The following MARK3 variants were observed in gnomAD, a reference collection of about 807,000 sequenced individuals.
The protein encoded by MARK3 is MAP/microtubule affinity-regulating kinase 3.
MARK3 carries 46 observed loss-of-function variants against 90.1 expected under a neutral mutation model. The observed-to-expected ratio is 0.51, with a 90% confidence interval of 0.40 to 0.65. MARK3 has a LOEUF of 0.65. MARK3 is among the 30% of genes least tolerant of loss of function. The pLI is 0.00. For missense variants in MARK3, 818 were observed against 947.2 expected (o/e 0.86, Z 1.79); for synonymous variants, 321 against 332.6 (o/e 0.97, Z 0.38).
intron 17 of MARK3, 24 bp downstream of exon 17, chr14:103,500,224 A>C (rs2075586225): frequency 6.3e-7 from 1 of 1,578,124 alleles, no homozygotes. Context: ...TTTTTACTTA[A>C]AATTTTTTTC....
chr14:103,430,776 A>G (rs2092559298), intron 3 of MARK3, among the ~76,000 whole-genome samples: 2 of 152,194 alleles, frequency 1.3e-5, no homozygotes, highest in Non-Finnish European at 2.9e-5. Flanking sequence ...GCAAATTGAT[A>G]TTATTTTCAC....
At chr14:103,476,828 T>C (rs1240435631) in intron 13 of MARK3, among the ~76,000 whole-genome samples, 3 of 152,202 alleles carry the variant, frequency 2.0e-5, no homozygotes, top group Non-Finnish European at 4.4e-5. Context: ...TTATGCTTAG[T>C]CGAAGTAAAC....
At chr14:103,434,085 A>T (rs2092657263) in intron 3 of MARK3, among the ~76,000 whole-genome samples, 1 of 152,130 alleles carries the variant, frequency 6.6e-6, no homozygotes, top group Admixed American at 6.5e-5. Context: ...TTGACATCTG[A>T]TAGGTGGCTA....
At chr14:103,482,018 G>C (rs956273842) in intron 14 of MARK3, among the ~76,000 whole-genome samples, 1 of 150,662 alleles carries the variant, frequency 6.6e-6, no homozygotes, top group Non-Finnish European at 1.5e-5. Flanking sequence ...CACCCACCTC[G>C]GCCTCCCAAA....
intron 6 of MARK3, among the ~76,000 whole-genome samples, chr14:103,460,759 A>G (rs2093385833): frequency 6.6e-6 from 1 of 152,232 alleles, no homozygotes; most frequent in African/African-American, 2.4e-5. Context: ...AAAAGGAAAA[A>G]GATTAGATAA....
intron 2 of MARK3, among the ~76,000 whole-genome samples, chr14:103,425,765 A>T (rs1488082834): frequency 1.3e-5 from 2 of 152,104 alleles, no homozygotes; most frequent in African/African-American, 2.4e-5. Flanking sequence ...TCAGGCGCAC[A>T]CACTCGTTTT....
intron 3 of MARK3, among the ~76,000 whole-genome samples, chr14:103,436,395 T>G (rs2092717244): frequency 6.8e-6 from 1 of 146,604 alleles, no homozygotes; most frequent in Non-Finnish European, 1.5e-5. Flanking sequence ...TCTTTTCATC[T>G]TTTTCTTTTC....
At chr14:103,418,216 AG>A (rs1469700031) in intron 2 of MARK3, among the ~76,000 whole-genome samples, 1 of 130,058 alleles carries the variant, frequency 7.7e-6, no homozygotes, top group East Asian at 2.1e-4. Context: ...AGAATAGTAA[AG>A]GCTTTTTTTT....
intron 2 of MARK3, chr14:103,417,596 A>C (rs1368631294): frequency 6.6e-6 from 1 of 152,048 alleles, no homozygotes; most frequent in African/African-American, 2.4e-5. Context: ...TTTAATATAG[A>C]GGTTTTTGTC....
chr14:103,498,516 G>A lies in MARK3; in HGVS notation c.1859G>A (p.Arg620Lys). ...ATTTCTTTTAGAAACATGTCATTCA[G>A]GTTTATCAAAAGGTAGGATTTATAT... ...SKLTRRNMSF[R>K]FIKRLPTEYE... Residue 620 changes from arginine (R) to lysine (K), a missense_variant, in exon 16 of 18, where the codon AGG becomes AAG. Arg to Lys is a conservative substitution (Grantham distance 26). Coordinates refer to ENST00000429436, the MANE Select transcript of MARK3 (RefSeq NM_001128918.3). The A allele has an allele frequency of 2.2e-6, 3 of 1,351,924 alleles. No individual in the cohort carries two copies. The highest frequency in any genetic ancestry group is 1.7e-5 in the South Asian group (1 of 58,268). The allele number at this position is 1,351,924 out of a possible 1,614,324, so 83.7% of individuals were successfully genotyped here. A position where few individuals can be genotyped will look rare whatever the true frequency, so the allele number is the denominator to read the frequency against.
intron 12 of MARK3, among the ~76,000 whole-genome samples, chr14:103,472,633 G>C (rs187957679): frequency 7.7e-6 from 1 of 129,358 alleles, no homozygotes; most frequent in African/African-American, 3.0e-5. Context: ...GGCCAACAGA[G>C]CGAGGCTCCA....
chr14:103,412,994 C>A (rs2091746306), intron 2 of MARK3, among the ~76,000 whole-genome samples: 1 of 151,870 alleles, frequency 6.6e-6, no homozygotes, highest in African/African-American at 2.4e-5. Context: ...CCCACCTCAG[C>A]CTCCCGAGTA....
chr14:103,462,847 T>C (rs1566888064), intron 7 of MARK3, among the ~76,000 whole-genome samples: 1 of 152,170 alleles, frequency 6.6e-6, no homozygotes, highest in African/African-American at 2.4e-5. Context: ...TTCAAGGTCC[T>C]CAGCCTCTGC....
chr14:103,409,434 GT>G (rs2091497036), intron 2 of MARK3, among the ~76,000 whole-genome samples: 1 of 14,076 alleles, frequency 7.1e-5, no homozygotes, highest in African/African-American at 3.9e-4. Flanking sequence ...AGAACTTAAA[GT>G]AAAAAAAAAA....
chr14:103,417,188 G>A (rs1001244202), intron 2 of MARK3: 1 of 151,568 alleles, frequency 6.6e-6, no homozygotes, highest in Non-Finnish European at 1.5e-5. Flanking sequence ...GGACAAAGGA[G>A]CATTGTTATA....
intron 15 of MARK3, among the ~76,000 whole-genome samples, chr14:103,494,531 T>C (rs1252482055): frequency 1.1e-5 from 1 of 89,786 alleles, no homozygotes; most frequent in Non-Finnish European, 2.0e-5. Context: ...GCAACAACAG[T>C]GAAACTCTGT....
chr14:103,468,789 C>CTTT (rs372468049), intron 12 of MARK3, among the ~76,000 whole-genome samples: 1 of 138,668 alleles, frequency 7.2e-6, no homozygotes, highest in African/African-American at 2.7e-5. Context: ...TGTAGTTTTC[C>CTTT]TTTTTTTTTT....
At chr14:103,423,200 C>CTTGTTTTTTTTTTTTTTTTTTT (rs2092284501) in intron 2 of MARK3, among the ~76,000 whole-genome samples, 1 of 94,720 alleles carries the variant, frequency 1.1e-5, no homozygotes, top group Non-Finnish European at 1.9e-5. Flanking sequence ...GACTTGCAGT[C>CTTGTTTTTTTTTTTTTTTTTTT]TTTTTTTTTT....
rs59913493 is a variant in MARK3 at position 103,403,326 on chromosome 14, TTGTGTGTGTGTGTGTGTGTGTGTG to T, written c.52-1726_52-1703del. 1.2e-4 allele frequency among the ~76,000 whole-genome samples: 16 copies of T among 138,544 alleles called. 1 individual carries two copies. Among genetic ancestry groups the T allele is most frequent in the African/African-American group, 2.9e-4 (11 of 37,570 alleles). The allele number at this position is 138,544 out of a possible 152,430, so 90.9% of individuals were successfully genotyped here. A position where few individuals can be genotyped will look rare whatever the true frequency, so the allele number is the denominator to read the frequency against. On this transcript the variant is annotated intron_variant, in intron 1 of 17. Transcript: ENST00000429436. Reference sequence around the variant, plus strand: ...TTACCACACCTTAAATAGTGCCTGGTTGTGTGTGTGTGTGTGTGTGTGTGTGTGTGTGTGTGTGTGTGTGTGTAA... The same window carrying T: ...TTACCACACCTTAAATAGTGCCTGGTTGTGTGTGTGTGTGTGTGTGTGTAA...
Sources: gnomAD v4.1 joint callset for allele counts (sites outside exome capture counted in the v4.1 genomes callset) on GRCh38, gnomAD v4.1.1 for gene constraint, MANE v1.5 for transcripts, NCBI Gene and HGNC (gene_info 2026-07-23, HGNC 2026-07-21) for gene names.